The following DPP10 variants were observed in gnomAD, a reference collection of about 807,000 sequenced individuals.
DPP10 encodes the protein inactive dipeptidyl peptidase 10.
Under a neutral mutation model 120.9 loss-of-function variants are expected in DPP10, and 33 were observed. That is an observed-to-expected ratio of 0.27 (90% CI 0.21 to 0.37). DPP10 has a LOEUF of 0.37. Ranked by LOEUF, DPP10 falls within the 10% of genes least tolerant of loss-of-function variation. DPP10 has a pLI of 1.00. For missense variants in DPP10, 816 were observed against 942.8 expected, an observed-to-expected ratio of 0.87 and a Z score of 1.76; for synonymous variants, 337 against 326.1, an observed-to-expected ratio of 1.03 and a Z score of -0.36.
chr2:115,803,791 G>T (rs371302839), intron 19 of DPP10, among the ~76,000 whole-genome samples: 3 of 152,258 alleles, frequency 2.0e-5, no homozygotes, highest in Non-Finnish European at 2.9e-5. Context: ...AGTTTCTGCC[G>T]AGAGATCCGC....
At chr2:114,952,792 G>T (rs570692237) in intron 1 of DPP10, among the ~76,000 whole-genome samples, 52 of 151,102 alleles carry the variant, frequency 3.4e-4, no homozygotes, top group Non-Finnish European at 6.1e-4. Context: ...GTACACAGTA[G>T]TTGATGAGCA....
chr2:115,834,115 C>G (rs990547882), intron 21 of DPP10, among the ~76,000 whole-genome samples: 2 of 152,140 alleles, frequency 1.3e-5, no homozygotes, highest in Admixed American at 1.3e-4. Flanking sequence ...AAGCTTTGCT[C>G]AAGCTTCTGA....
intron 1 of DPP10, chr2:115,234,084 T>C (rs2057876996): frequency 2.7e-6 from 1 of 375,040 alleles, no homozygotes; most frequent in African/African-American, 2.2e-5. Context: ...GAAGAAGTGG[T>C]TGTATTCCCT....
intron 1 of DPP10, among the ~76,000 whole-genome samples, chr2:115,240,335 G>A (rs1247142191): frequency 6.6e-6 from 1 of 152,124 alleles, no homozygotes; most frequent in Non-Finnish European, 1.5e-5. Flanking sequence ...GTTTTGATTT[G>A]CATTTCTCTA....
intron 17 of DPP10, 91 bp downstream of exon 17, chr2:115,782,490 T>A (rs1682889673): frequency 1.6e-6 from 2 of 1,262,060 alleles, no homozygotes. Flanking sequence ...CCTCTATAAA[T>A]TCTTCTTCAA....
chr2:115,376,487 T>C (rs952386782), intron 3 of DPP10, among the ~76,000 whole-genome samples: 1 of 152,034 alleles, frequency 6.6e-6, no homozygotes, highest in Non-Finnish European at 1.5e-5. Context: ...CATTCAGAAT[T>C]TGAATTTCAC....
At chr2:114,908,474 G>A (rs1694136217) in intron 1 of DPP10, among the ~76,000 whole-genome samples, 1 of 151,924 alleles carries the variant, frequency 6.6e-6, no homozygotes, top group South Asian at 2.1e-4. Context: ...GGATGCACTA[G>A]GGTTTATAAT....
intron 1 of DPP10, among the ~76,000 whole-genome samples, chr2:115,105,885 C>T (rs1222350320): frequency 6.6e-6 from 1 of 152,190 alleles, no homozygotes; most frequent in Non-Finnish European, 1.5e-5. Context: ...ATCATGCAGG[C>T]AAAAGACTTC....
intron 1 of DPP10, among the ~76,000 whole-genome samples, chr2:114,501,655 C>T (rs1683192210): frequency 6.6e-6 from 1 of 152,154 alleles, no homozygotes; most frequent in Admixed American, 6.5e-5. Flanking sequence ...TTGTACATTA[C>T]TACGCCCCAT....
At chr2:115,410,274 T>C (rs2068843969) in intron 3 of DPP10, among the ~76,000 whole-genome samples, 1 of 152,192 alleles carries the variant, frequency 6.6e-6, no homozygotes, top group African/African-American at 2.4e-5. Flanking sequence ...ACGTAATACA[T>C]ATACATCATA....
intron 1 of DPP10, among the ~76,000 whole-genome samples, chr2:114,701,610 T>TC (rs1307863928): frequency 1.3e-5 from 2 of 152,094 alleles, no homozygotes; most frequent in African/African-American, 2.4e-5. Context: ...AAAAGTATAA[T>TC]CAGTAATGTT....
chr2:115,507,110 A>G (rs2076990567), intron 4 of DPP10, among the ~76,000 whole-genome samples: 2 of 151,770 alleles, frequency 1.3e-5, no homozygotes, highest in African/African-American at 4.8e-5. Context: ...CTACTACTCT[A>G]CTTCTCTTCT....
At chr2:114,982,825 T>G (rs1700171364) in intron 1 of DPP10, among the ~76,000 whole-genome samples, 1 of 152,138 alleles carries the variant, frequency 6.6e-6, no homozygotes, top group East Asian at 1.9e-4. Context: ...CAGGCTGGTC[T>G]TGAACTCCTG....
intron 1 of DPP10, among the ~76,000 whole-genome samples, chr2:114,655,872 T>A (rs1696930422): frequency 1.3e-5 from 2 of 152,116 alleles, no homozygotes; most frequent in Admixed American, 1.3e-4. Context: ...ATTCCATTAT[T>A]TTTGATTCTG....
chr2:114,903,970 C>A (rs987335798), intron 1 of DPP10, among the ~76,000 whole-genome samples: 8 of 152,086 alleles, frequency 5.3e-5, no homozygotes, highest in African/African-American at 1.9e-4. Flanking sequence ...TTTAAGCTAC[C>A]CAGTATATAA....
At chr2:115,687,370 C>T (rs1305340590) in intron 5 of DPP10, among the ~76,000 whole-genome samples, 2 of 152,026 alleles carry the variant, frequency 1.3e-5, no homozygotes, top group Non-Finnish European at 2.9e-5. Flanking sequence ...TGGGAACACA[C>T]ACACATGCAT....
chr2:114,971,113 GTTGTGA>G (rs1699361572), intron 1 of DPP10, among the ~76,000 whole-genome samples: 1 of 152,204 alleles, frequency 6.6e-6, no homozygotes, highest in Non-Finnish European at 1.5e-5. Flanking sequence ...TTGTGTGTCA[GTTGTGA>G]CGCCTCATGT....
At chr2:115,626,637 A>G (rs1255248293) in intron 5 of DPP10, among the ~76,000 whole-genome samples, 4 of 152,160 alleles carry the variant, frequency 2.6e-5, no homozygotes, top group Non-Finnish European at 4.4e-5. Flanking sequence ...ATGCATTAGC[A>G]TGGTTGGAAG....
chr2:115,704,458 A>G lies in DPP10; in HGVS notation c.576+14537A>G, dbSNP rs61598223. 4.2e-3 allele frequency among the ~76,000 whole-genome samples: 645 copies of G among 151,942 alleles called. 5 individuals are homozygous for G. Among genetic ancestry groups the G allele is most frequent in the African/African-American group, 0.015 (622 of 41,482 alleles). On this transcript the variant is annotated intron_variant, in intron 7 of 25. Transcript: ENST00000410059. ...ACCTAGAATACAGGATCTATTAAAC[A>G]TTTTTTCTCTCTCATTTGTTTTTCT...
Sources: gnomAD v4.1 joint callset for allele counts (sites outside exome capture counted in the v4.1 genomes callset) on GRCh38, gnomAD v4.1.1 for gene constraint, MANE v1.5 for transcripts, NCBI Gene and HGNC (gene_info 2026-07-23, HGNC 2026-07-21) for gene names.